The following CNBD1 variants were observed in gnomAD, a reference collection of about 807,000 sequenced individuals.
CNBD1 encodes the protein cyclic nucleotide-binding domain-containing protein 1.
CNBD1 carries 71 observed loss-of-function variants against 54.4 expected under a neutral mutation model. The ratio of observed to expected loss-of-function variants is 1.30; its 90% confidence interval spans 1.08 to 1.59. CNBD1 has a LOEUF of 1.59. Ranked by LOEUF, CNBD1 falls within the 40% of genes most tolerant of loss-of-function variation. The probability of loss-of-function intolerance (pLI) is 0.00; values close to 1 mark genes in which losing one functional copy is unlikely to be tolerated. For synonymous variants in CNBD1, 182 were observed against 170.7 expected (o/e 1.07, Z -0.51); for missense variants, 659 against 518.0 (o/e 1.27, Z -2.64).
chr8:87,377,821 C>T (rs1469385126), intron 10 of CNBD1, among the ~76,000 whole-genome samples: 3 of 149,914 alleles, frequency 2.0e-5, no homozygotes, highest in East Asian at 2.0e-4. Flanking sequence ...CCTGTTGTTT[C>T]CTGACTTTTT....
chr8:87,313,315 G>A (rs1434293921), intron 8 of CNBD1, among the ~76,000 whole-genome samples: 1 of 151,996 alleles, frequency 6.6e-6, no homozygotes, highest in Non-Finnish European at 1.5e-5. Context: ...TCAAATTGGA[G>A]TTACTATCCA....
At chr8:87,026,927 A>C (rs1809659799) in intron 4 of CNBD1, among the ~76,000 whole-genome samples, 1 of 152,172 alleles carries the variant, frequency 6.6e-6, no homozygotes, top group Non-Finnish European at 1.5e-5. Context: ...ATATCCAGCA[A>C]AGACAAACAT....
chr8:87,299,559 C>T (rs1585992976), intron 8 of CNBD1, among the ~76,000 whole-genome samples: 1 of 152,164 alleles, frequency 6.6e-6, no homozygotes, highest in African/African-American at 2.4e-5. Context: ...GATCCAAATG[C>T]ATTTCCCAGA....
intron 4 of CNBD1, among the ~76,000 whole-genome samples, chr8:86,955,053 A>C (rs1361872022): frequency 1.5e-5 from 2 of 136,904 alleles, no homozygotes; most frequent in Non-Finnish European, 3.0e-5. Context: ...CTCATTGTTC[A>C]TTTCCCACCG....
intron 2 of CNBD1, among the ~76,000 whole-genome samples, chr8:87,425,673 C>T (rs1397192451): frequency 6.6e-5 from 10 of 151,654 alleles, no homozygotes; most frequent in African/African-American, 1.9e-4. Context: ...GCAGTCTGCC[C>T]GTTCTCAGAT....
At chr8:87,419,561 T>C (rs186438790) in intron 2 of CNBD1, among the ~76,000 whole-genome samples, 13 of 152,020 alleles carry the variant, frequency 8.6e-5, no homozygotes, top group African/African-American at 1.4e-4. Context: ...TCAAAAGATA[T>C]AGTCATTCAG....
chr8:86,880,664 G>T (rs1015095469), intron 1 of CNBD1, among the ~76,000 whole-genome samples: 3 of 151,984 alleles, frequency 2.0e-5, no homozygotes, highest in African/African-American at 7.2e-5. Flanking sequence ...ATAACACTTT[G>T]GTCCTGAAGA....
chr8:87,372,492 A>C (rs1375292803), intron 10 of CNBD1, among the ~76,000 whole-genome samples: 5 of 152,030 alleles, frequency 3.3e-5, no homozygotes, highest in African/African-American at 9.6e-5. Context: ...AAATTTCTTC[A>C]GAAACTCTGG....
intron 3 of CNBD1, among the ~76,000 whole-genome samples, chr8:86,938,129 A>T (rs1312698979): frequency 6.6e-6 from 1 of 152,212 alleles, no homozygotes; most frequent in Non-Finnish European, 1.5e-5. Context: ...TCTAGGGAAG[A>T]TGCAAAATGC....
intron 3 of CNBD1, among the ~76,000 whole-genome samples, chr8:86,908,824 G>A (rs376079235): frequency 6.9e-4 from 104 of 150,204 alleles, no homozygotes; most frequent in African/African-American, 2.5e-3. Flanking sequence ...GGAGTGCAGT[G>A]GCCTGATCTC....
chr8:87,070,537 A>G (rs1230262184), intron 4 of CNBD1, among the ~76,000 whole-genome samples: 2 of 152,130 alleles, frequency 1.3e-5, no homozygotes, highest in Non-Finnish European at 2.9e-5. Flanking sequence ...CTGCTCTCTC[A>G]AAAATACTAT....
At chr8:87,264,571 C>T (rs1808209602) in intron 6 of CNBD1, among the ~76,000 whole-genome samples, 1 of 152,126 alleles carries the variant, frequency 6.6e-6, no homozygotes, top group African/African-American at 2.4e-5. Flanking sequence ...GAGGAATCAC[C>T]ACACTGTCTT....
intron 4 of CNBD1, among the ~76,000 whole-genome samples, chr8:87,038,750 T>C (rs780060013): frequency 5.3e-5 from 8 of 152,212 alleles, no homozygotes; most frequent in Non-Finnish European, 1.2e-4. Context: ...CTTCCAAAGT[T>C]AGCTTGGCCC....
intron 9 of CNBD1, 112 bp downstream of exon 9, chr8:87,351,906 C>A: frequency 8.8e-7 from 1 of 1,141,638 alleles, no homozygotes; most frequent in Non-Finnish European, 1.1e-6. Flanking sequence ...TGTGAAATTT[C>A]TATTCAATTT....
At chr8:87,116,166 T>G (rs1811763303) in intron 4 of CNBD1, among the ~76,000 whole-genome samples, 1 of 151,626 alleles carries the variant, frequency 6.6e-6, no homozygotes, top group South Asian at 2.1e-4. Flanking sequence ...CTGTCTATAT[T>G]CCTTTGCTAT....
At chr8:87,383,169 A>G (rs564854370), downstream of CNBD1, among the ~76,000 whole-genome samples, 22 of 152,212 alleles carry the variant, frequency 1.4e-4, no homozygotes, top group South Asian at 4.3e-3. Flanking sequence ...CCATTTTGTA[A>G]TAAAGTCATT....
intron 6 of CNBD1, among the ~76,000 whole-genome samples, chr8:87,281,541 G>GATATATATAT (rs57434544): frequency 1.0e-5 from 1 of 95,908 alleles, no homozygotes; most frequent in Non-Finnish European, 2.1e-5. Context: ...TCTAGGCTAA[G>GATATATATAT]ATATATATAT....
intron 5 of CNBD1, 51 bp downstream of exon 5, chr8:87,206,189 T>C (rs1483481427): frequency 7.4e-7 from 1 of 1,349,098 alleles, no homozygotes; most frequent in Admixed American, 2.7e-5. Context: ...CAGGCCACTG[T>C]TTCGAGTTCT....
intron 2 of CNBD1, among the ~76,000 whole-genome samples, chr8:87,398,956 T>C (rs1424558422): frequency 6.6e-6 from 1 of 152,082 alleles, no homozygotes. Flanking sequence ...TTTTTCTACT[T>C]GTCAGAGAGA....
Sources: gnomAD v4.1 joint callset for allele counts (sites outside exome capture counted in the v4.1 genomes callset) on GRCh38, gnomAD v4.1.1 for gene constraint, MANE v1.5 for transcripts, NCBI Gene and HGNC (gene_info 2026-07-23, HGNC 2026-07-21) for gene names.